The following PCDHGA9 variants were observed in gnomAD, a reference collection of about 807,000 sequenced individuals.
PCDHGA9 encodes the protein protocadherin gamma-A9.
Under a neutral mutation model 62.5 loss-of-function variants are expected in PCDHGA9, and 37 were observed. The observed-to-expected ratio is 0.59, with a 90% CI of 0.46 to 0.78. The LOEUF is 0.78. Ranked by LOEUF, PCDHGA9 falls within the 30% of genes least tolerant of loss-of-function variation. PCDHGA9 has a pLI of 0.00. For missense variants in PCDHGA9, 1,138 were observed against 1,166.2 expected (o/e 0.98, Z 0.35); for synonymous variants, 459 against 484.6 (o/e 0.95, Z 0.69).
chr5:141,455,477 C>A (rs557286491), intron 1 of PCDHGA9, among the ~76,000 whole-genome samples: 15 of 152,252 alleles, frequency 9.9e-5, no homozygotes, highest in African/African-American at 2.9e-4. Flanking sequence ...TATGCAGAGG[C>A]TGGTGGAGGT....
chr5:141,453,888 C>T (rs1273180395), intron 1 of PCDHGA9, among the ~76,000 whole-genome samples: 2 of 152,198 alleles, frequency 1.3e-5, no homozygotes, highest in East Asian at 1.9e-4. Flanking sequence ...TGTGGCCAAT[C>T]ACATGACTTC....
intron 1 of PCDHGA9, chr5:141,428,659 G>A: frequency 6.1e-6 from 1 of 164,982 alleles, no homozygotes; most frequent in East Asian, 1.8e-4. Context: ...GAGTTCCAAT[G>A]AATGTCTTTC....
At chr5:141,426,764 T>C (rs1285434687) in intron 1 of PCDHGA9, 5 of 456,638 alleles carry the variant, frequency 1.1e-5, no homozygotes, top group Non-Finnish European at 2.2e-5. Flanking sequence ...TAGATGCAGA[T>C]GTAGGGCCTC....
At chr5:141,415,347 C>G in intron 1 of PCDHGA9, 1 of 1,614,238 alleles carries the variant, frequency 6.2e-7, no homozygotes, top group South Asian at 1.1e-5. Flanking sequence ...GGCGCTGGCA[C>G]AAGTCACGCC....
At chr5:141,430,950 T>C (rs756423770) in intron 1 of PCDHGA9, 5 of 1,609,980 alleles carry the variant, frequency 3.1e-6, no homozygotes, top group East Asian at 2.2e-5. Flanking sequence ...GAGCGCGGAG[T>C]CCGCATCATC....
At chr5:141,419,053 T>C in intron 1 of PCDHGA9, 1 of 1,613,954 alleles carries the variant, frequency 6.2e-7, no homozygotes, top group South Asian at 1.1e-5. Context: ...ATTCTTCTTC[T>C]AATAATTACT....
chr5:141,426,768 G>A (rs2096959269), intron 1 of PCDHGA9: 1 of 456,516 alleles, frequency 2.2e-6, no homozygotes, highest in Non-Finnish European at 4.4e-6. Flanking sequence ...TGCAGATGTA[G>A]GGCCTCACTC....
chr5:141,492,911 G>A (rs1008138353), intron 1 of PCDHGA9, among the ~76,000 whole-genome samples: 1 of 152,216 alleles, frequency 6.6e-6, no homozygotes, highest in Admixed American at 6.5e-5. Context: ...TGATCACAAT[G>A]TGCCCAGCGA....
At chr5:141,454,941 G>A (rs2098807517) in intron 1 of PCDHGA9, among the ~76,000 whole-genome samples, 1 of 150,970 alleles carries the variant, frequency 6.6e-6, no homozygotes, top group Non-Finnish European at 1.5e-5. Flanking sequence ...CCGAGTAGCT[G>A]GGACTACAGG....
chr5:141,417,566 C>G, intron 1 of PCDHGA9: 1 of 362,746 alleles, frequency 2.8e-6, no homozygotes. Context: ...AGAGAAAAGT[C>G]AAGTTGCAGT....
intron 1 of PCDHGA9, among the ~76,000 whole-genome samples, chr5:141,447,405 T>C (rs1045202682): frequency 6.6e-6 from 1 of 152,068 alleles, no homozygotes; most frequent in Non-Finnish European, 1.5e-5. Context: ...CCCAAAGTGC[T>C]GGGATTACAG....
At chr5:141,427,617 G>A (rs1295636754) in intron 1 of PCDHGA9, 3 of 694,694 alleles carry the variant, frequency 4.3e-6, no homozygotes, top group Admixed American at 2.0e-5. Flanking sequence ...TGAAGTCAAC[G>A]ACAATGCTCC....
chr5:141,448,511 A>C (rs2098593334), intron 1 of PCDHGA9, among the ~76,000 whole-genome samples: 1 of 152,076 alleles, frequency 6.6e-6, no homozygotes, highest in Admixed American at 6.6e-5. Context: ...ACATTTTATA[A>C]CTTTATTAAG....
chr5:141,494,736 T>A, intron 1 of PCDHGA9, 71 bp from the exon 2 acceptor site: 2 of 1,611,858 alleles, frequency 1.2e-6, no homozygotes, highest in Non-Finnish European at 1.7e-6. Flanking sequence ...TCCCGGCCCA[T>A]CCCTAGGGGC....
chr5:141,504,937 G>A (rs1350441435), intron 2 of PCDHGA9, among the ~76,000 whole-genome samples: 2 of 152,054 alleles, frequency 1.3e-5, no homozygotes, highest in East Asian at 1.9e-4. Context: ...GGTGGGTGGG[G>A]GAATGCACTA....
In PCDHGA9 at chr5:141,491,492, T is replaced by G. The variant is rs763487622; in HGVS notation, c.2425-3315T>G. On this transcript the variant is annotated intron_variant, in intron 1 of 3. Coordinates refer to ENST00000573521, the MANE Select transcript of PCDHGA9 (RefSeq NM_018921.3). This position sits in a 1 kb window ranked among gnomAD's most constrained non-coding sequence, Gnocchi z 6.9. ...AAGCAGTCCAGCCCCAACCTGCAGG[T>G]GAGCTCGGACGGCACGCTCAAGTAC... 3.1e-6 allele frequency: 5 copies of G among 1,614,024 alleles called. No homozygotes were observed. The highest frequency in any genetic ancestry group is 3.4e-6 in the Non-Finnish European group (4 of 1,180,006).
intron 1 of PCDHGA9, among the ~76,000 whole-genome samples, chr5:141,436,175 A>G (rs1263518258): frequency 1.3e-5 from 2 of 152,192 alleles, no homozygotes; most frequent in Non-Finnish European, 2.9e-5. Flanking sequence ...CAGTTCTCAT[A>G]TATAGTCAAA....
chr5:141,430,865 C>A, intron 1 of PCDHGA9: 2 of 1,595,350 alleles, frequency 1.3e-6, no homozygotes, highest in Non-Finnish European at 1.7e-6. Flanking sequence ...CTATTCAGTT[C>A]CGGAAGAGCT....
intron 1 of PCDHGA9, among the ~76,000 whole-genome samples, chr5:141,461,288 A>G (rs1049761514): frequency 2.0e-5 from 3 of 152,092 alleles, no homozygotes; most frequent in Admixed American, 1.3e-4. Flanking sequence ...CCCCACATCC[A>G]CACCAACATC....
Sources: allele counts gnomAD v4.1 joint callset (sites outside exome capture counted in the v4.1 genomes callset), GRCh38; gene constraint gnomAD v4.1.1; non-coding constraint Gnocchi (gnomAD v3.1); transcripts MANE v1.5; gene names NCBI Gene and HGNC (gene_info 2026-07-23, HGNC 2026-07-21).